The following OSTM1 variants were observed in gnomAD, a reference collection of about 807,000 sequenced individuals.
The protein encoded by OSTM1 is osteopetrosis-associated transmembrane protein 1.
In OSTM1, 26 loss-of-function variants were observed where a neutral mutation model predicts 35.4. That is an observed-to-expected ratio of 0.73 (90% CI 0.54 to 1.02). The LOEUF (loss-of-function observed/expected upper bound fraction) is 1.02. Among genes scored for constraint, OSTM1 ranks in the 50% least tolerant of loss-of-function variants. OSTM1 has a pLI of 0.00. For synonymous variants in OSTM1, 181 were observed against 165.0 expected, an observed-to-expected ratio of 1.10 and a Z score of -0.75; for missense variants, 366 against 409.6, an observed-to-expected ratio of 0.89 and a Z score of 0.92.
At position 108,074,518 on chromosome 6, in the gene OSTM1, T is replaced by C. The variant is rs202093691; in HGVS notation, c.134A>G (p.Asp45Gly). ...CAGCAACTGCTGCTCCGACAGGAGGTCGTGGAAGACCCTGTGCGGACTGCT... is the reference window on the plus strand; with the variant it reads ...CAGCAACTGCTGCTCCGACAGGAGGCCGTGGAAGACCCTGTGCGGACTGCT... ...FGSSPHRVFH[D>G]LLSEQQLLEV... The change falls in exon 1 of 6, where the codon GAC becomes GGC. Residue 45 changes from aspartate to glycine, a missense_variant. Around this residue, in one of 3 missense-constraint regions of OSTM1, gnomAD observed 236 missense variants for 239.3 expected, o/e 0.99. Transcript: ENST00000193322. 9.8e-4 allele frequency: 1,526 copies of C among 1,558,294 alleles called. No individual in the cohort carries two copies. Among genetic ancestry groups the C allele is most frequent in the Middle Eastern group, 2.3e-3 (14 of 5,998 alleles).
chr6:108,063,268 T>C (rs1353718700), intron 2 of OSTM1, among the ~76,000 whole-genome samples: 1 of 152,198 alleles, frequency 6.6e-6, no homozygotes, highest in East Asian at 1.9e-4. Context: ...AATTCTGCCT[T>C]GGCTTCCCAA....
At chr6:108,065,558 A>C (rs1772362653) in intron 1 of OSTM1, among the ~76,000 whole-genome samples, 1 of 152,166 alleles carries the variant, frequency 6.6e-6, no homozygotes, top group South Asian at 2.1e-4. Context: ...TCTTAAGTAG[A>C]AGTAATAATA....
At chr6:108,051,349 G>C (rs1772070507) in intron 3 of OSTM1, 151 bp from the exon 4 acceptor site, 1 of 624,116 alleles carries the variant, frequency 1.6e-6, no homozygotes, top group South Asian at 2.1e-5. Flanking sequence ...AAATCACTCT[G>C]AGTCTCAGTT....
chr6:108,054,173 T>C (rs990710222), intron 3 of OSTM1, among the ~76,000 whole-genome samples: 4 of 152,236 alleles, frequency 2.6e-5, no homozygotes, highest in Admixed American at 2.6e-4. Flanking sequence ...TAAGTCAGAT[T>C]GAAAACCATT....
In OSTM1 at chr6:108,044,505, T is replaced by C; in HGVS notation, c.*280A>G. 4.1e-6 allele frequency: 1 copy of C among 246,134 alleles called. No homozygotes were observed. 15.2% of individuals were successfully genotyped at this position (246,134 alleles called of 1,614,324 possible). On this transcript the variant is annotated 3_prime_UTR_variant, in exon 6 of 6. Coordinates refer to ENST00000193322, the MANE Select transcript of OSTM1 (RefSeq NM_014028.4). ...GTCTAGAATAGTAATCAAATGCCTA[T>C]AAAATAAAATAATGATTGTTCTTGC...
chr6:108,045,781 T>C (rs544416764), intron 5 of OSTM1, among the ~76,000 whole-genome samples: 3 of 152,296 alleles, frequency 2.0e-5, no homozygotes, highest in African/African-American at 7.2e-5. Context: ...ATGTTTCTCA[T>C]GTTCTAGAAA....
rs527527045 is a variant in OSTM1 at position 108,061,386 on chromosome 6, T to C, written c.517+2799A>G. The stretch of plus-strand genomic sequence containing the variant: ...TTCCAAGGCCCCTCCCTACTTCACA[T>C]TTTCTTTCCTTCTTGCCTAAACTAT... On this transcript the variant is annotated intron_variant, in intron 2 of 5. Transcript: ENST00000193322. Among the ~76,000 whole-genome samples the C allele has an allele frequency of 5.1e-3, 778 of 152,244 alleles. 1 individual carries two copies. The highest frequency in any genetic ancestry group is 8.8e-3 in the Non-Finnish European group (600 of 68,016).
chr6:108,048,014 A>G (rs1016841945), intron 5 of OSTM1, among the ~76,000 whole-genome samples: 5 of 152,246 alleles, frequency 3.3e-5, no homozygotes, highest in African/African-American at 1.2e-4. Flanking sequence ...GAGCTACTGC[A>G]TATTTACAGA....
intron 5 of OSTM1, among the ~76,000 whole-genome samples, chr6:108,045,692 G>A (rs1371898185): frequency 6.6e-6 from 1 of 152,146 alleles, no homozygotes; most frequent in Non-Finnish European, 1.5e-5. Flanking sequence ...ATGCTAATGG[G>A]ACTGAGTCAT....
chr6:108,049,157 C>G lies in OSTM1; in HGVS notation c.949+96G>C, dbSNP rs1478490859. 4 of 800,684 alleles carry G rather than the reference C, an allele frequency of 5.0e-6. No individual in the cohort carries two copies. In the South Asian group the frequency reaches 6.3e-5, roughly 13 times the overall value. The allele number at this position is 800,684 out of a possible 1,614,324, so 49.6% of individuals were successfully genotyped here. On this transcript the variant is annotated intron_variant, in intron 5 of 5. Transcript: ENST00000193322. ...CAGAGAGTCCTTTTAGGCTAATCTA[C>G]TTTGAGTTCTCAGAGTAGCTATCAT...
rs1771889475 is a variant in OSTM1 at position 108,042,475 on chromosome 6, G to A, written c.*2310C>T. 6.8e-6 allele frequency: 1 copy of A among 147,812 alleles called. No individual in the cohort carries two copies. Among genetic ancestry groups the A allele is most frequent in the Admixed American group, 6.9e-5 (1 of 14,488 alleles). The allele number at this position is 147,812 out of a possible 1,614,324, so 9.2% of individuals were successfully genotyped here. A position where few individuals can be genotyped will look rare whatever the true frequency, so the allele number is the denominator to read the frequency against. ...CTGTCGCCCAGGTTGGAATGCAGTG[G>A]TACAATCTTGGCTCATTGCAACCTC... On this transcript the variant is annotated 3_prime_UTR_variant, in exon 6 of 6. Coordinates refer to ENST00000193322, the MANE Select transcript of OSTM1 (RefSeq NM_014028.4).
At position 108,074,693 on chromosome 6, in the gene OSTM1, C is replaced by A; in HGVS notation, c.-42G>T. 4 of 1,485,290 alleles carry A rather than the reference C, an allele frequency of 2.7e-6. No individual in the cohort carries two copies. The highest frequency in any genetic ancestry group is 2.5e-5 in the South Asian group (2 of 78,564). 92.0% of individuals were successfully genotyped at this position (1,485,290 alleles called of 1,614,324 possible). On this transcript the variant is annotated 5_prime_UTR_variant, in exon 1 of 6. Transcript: ENST00000193322. ...CCCAGGGAGCCCACCGCCGCCTCTC[C>A]GCCCCCAGCCGGCACCGCGGACAGC... is the stretch of plus-strand genomic sequence containing the variant.
At chr6:108,051,870 A>G (rs1489150299) in intron 3 of OSTM1, among the ~76,000 whole-genome samples, 1 of 152,240 alleles carries the variant, frequency 6.6e-6, no homozygotes, top group Admixed American at 6.5e-5. Flanking sequence ...CTAGACTGAC[A>G]CTTGTCTTTT....
rs1364015140 is a variant in OSTM1, at chr6:108,074,608, G to C, written c.44C>G (p.Pro15Arg). Residue 15 changes from proline to arginine, a missense_variant, in exon 1 of 6, where the codon CCG becomes CGG. Pro to Arg is a moderately radical substitution (Grantham distance 103). This residue lies in a region of OSTM1 where 236 missense variants were observed against 239.3 expected (regional missense o/e 0.99). Coordinates refer to ENST00000193322, the MANE Select transcript of OSTM1 (RefSeq NM_014028.4). ...PTAAQRRCSL[P>R]PWLPLGLLLW... The stretch of plus-strand genomic sequence containing the variant: ...CAGCAGCCCCAGCGGCAGCCACGGC[G>C]GCAACGAACACCTCCGCTGCGCGGC... The C allele has an allele frequency of 1.3e-6, 2 of 1,565,910 alleles. No individual in the cohort carries two copies. The highest frequency in any genetic ancestry group is 2.3e-5 in the South Asian group (2 of 86,582).
intron 2 of OSTM1, among the ~76,000 whole-genome samples, chr6:108,056,389 T>G (rs781132246): frequency 1.1e-4 from 17 of 152,160 alleles, no homozygotes; most frequent in Non-Finnish European, 2.4e-4. Context: ...ATAAACATAT[T>G]TATATCTACA....
intron 2 of OSTM1, among the ~76,000 whole-genome samples, chr6:108,063,351 A>C (rs944817331): frequency 3.9e-5 from 6 of 152,172 alleles, no homozygotes; most frequent in African/African-American, 7.2e-5. Context: ...CCAATAGTAC[A>C]GGCCTAGGTT....
At chr6:108,050,823 T>C (rs1772063122) in intron 4 of OSTM1, among the ~76,000 whole-genome samples, 1 of 152,242 alleles carries the variant, frequency 6.6e-6, no homozygotes. Context: ...TCTGTTTTAT[T>C]TTTATCCTAA....
intron 5 of OSTM1, among the ~76,000 whole-genome samples, chr6:108,046,848 T>C (rs1292644643): frequency 2.6e-5 from 4 of 151,618 alleles, no homozygotes; most frequent in Non-Finnish European, 5.9e-5. Flanking sequence ...TAAAAACTAC[T>C]AGAAGTGATC....
intron 5 of OSTM1, among the ~76,000 whole-genome samples, chr6:108,047,834 A>G (rs1355061866): frequency 6.6e-6 from 1 of 152,262 alleles, no homozygotes; most frequent in African/African-American, 2.4e-5. Context: ...TTGACAGCAA[A>G]CAAAAAATCC....
Sources: allele counts gnomAD v4.1 joint callset (sites outside exome capture counted in the v4.1 genomes callset), GRCh38; gene constraint gnomAD v4.1.1; regional missense constraint gnomAD v4.1.1; transcripts MANE v1.5; gene names NCBI Gene and HGNC (gene_info 2026-07-23, HGNC 2026-07-21).